The following AKR1C3 variants were observed in gnomAD, a reference collection of about 807,000 sequenced individuals.
AKR1C3 encodes 3-alpha hydroxysteroid dehydrogenase, type II.
Under a neutral mutation model 43.6 loss-of-function variants are expected in AKR1C3, and 48 were observed. The ratio of observed to expected loss-of-function variants is 1.10; its 90% CI spans 0.87 to 1.40. The LOEUF (loss-of-function observed/expected upper bound fraction) is 1.40, where lower values mean the gene tolerates loss of function less well. Ranked by LOEUF, AKR1C3 falls within the 40% of genes most tolerant of loss-of-function variation. The pLI, the probability that AKR1C3 is intolerant of heterozygous loss-of-function variation, is 0.00. For synonymous variants in AKR1C3, 162 were observed against 139.6 expected (o/e 1.16, Z -1.13); for missense variants, 482 against 391.2 (o/e 1.23, Z -1.96).
At chr10:5,106,239 T>G (rs1839496885) in intron 8 of AKR1C3, among the ~76,000 whole-genome samples, 1 of 152,132 alleles carries the variant, frequency 6.6e-6, no homozygotes, top group African/African-American at 2.4e-5. Context: ...CAGAAAGCCT[T>G]CCTTAGTGGA....
In AKR1C3 at chr10:5,102,480, T is replaced by C. The variant is rs782077699; in HGVS notation, c.681-5T>C. The stretch of plus-strand genomic sequence containing the variant: ...GGGCCTCAGCCTTTCTGCCTTTCCT[T>C]CCAGGGTGGACCCGAACTCCCCGGT... On this transcript the variant is annotated splice_region_variant and splice_polypyrimidine_tract_variant and intron_variant, in intron 6 of 8. Transcript: ENST00000380554. 6.5e-7 allele frequency: 1 copy of C among 1,532,604 alleles called. No individual in the cohort carries two copies. Among genetic ancestry groups the C allele is most frequent in the Non-Finnish European group, 8.7e-7 (1 of 1,143,858 alleles). 94.9% of individuals were successfully genotyped at this position (1,532,604 alleles called of 1,614,324 possible).
intron 1 of AKR1C3, among the ~76,000 whole-genome samples, chr10:5,071,895 T>G (rs1473103408): frequency 1.3e-5 from 2 of 152,238 alleles, no homozygotes; most frequent in Non-Finnish European, 2.9e-5. Context: ...CTCCCTCATT[T>G]TCCCTTTAAA....
upstream of AKR1C3, chr10:5,093,992 T>C (rs1055331853): frequency 1.1e-4 from 16 of 152,150 alleles, no homozygotes; most frequent in African/African-American, 3.1e-4. Flanking sequence ...CTTTAAATTA[T>C]GTGTATGTGA....
rs138339218 is a variant in AKR1C3, at chr10:5,059,267, C to T, written c.84+10372C>T. On this transcript the variant is annotated intron_variant, in intron 1 of 8. Coordinates refer to the AKR1C3 transcript ENST00000439082. The stretch of plus-strand genomic sequence containing the variant: ...TCTTATGGGAGAAACTAGAAAAACA[C>T]CAGAGACAGGTAGCAGTCTTTAGAA... Among the ~76,000 whole-genome samples the T allele has an allele frequency of 3.5e-3, 525 of 152,162 alleles. 1 individual carries two copies. The highest frequency in any genetic ancestry group is 4.5e-3 in the Non-Finnish European group (308 of 68,016).
chr10:5,065,698 A>G (rs573038595), intron 1 of AKR1C3, among the ~76,000 whole-genome samples: 1 of 152,318 alleles, frequency 6.6e-6, no homozygotes, highest in African/African-American at 2.4e-5. Context: ...TGTATGCCCT[A>G]TGTAAATGAA....
intron 1 of AKR1C3, among the ~76,000 whole-genome samples, chr10:5,082,430 G>A (rs1838857257): frequency 6.6e-6 from 1 of 152,058 alleles, no homozygotes; most frequent in African/African-American, 2.4e-5. Flanking sequence ...ATTTGTCCTA[G>A]ATGTCCCTTA....
chr10:5,091,200 G>A (rs1420164041), upstream of AKR1C3, among the ~76,000 whole-genome samples: 1 of 151,722 alleles, frequency 6.6e-6, no homozygotes, highest in South Asian at 2.1e-4. Flanking sequence ...GGAGAACTTA[G>A]CAGAGAGAAA....
At chr10:5,094,568 TA>T in intron 1 of AKR1C3, 40 bp downstream of exon 1, 1 of 1,604,212 alleles carries the variant, frequency 6.2e-7, no homozygotes, top group Non-Finnish European at 8.5e-7. Context: ...TTCAAAAGAA[TA>T]AACCTAGTAG....
intron 1 of AKR1C3, chr10:5,080,624 CTCAAACAAACAAACAA>C (rs1213990258): frequency 1.5e-5 from 2 of 134,184 alleles, no homozygotes; most frequent in African/African-American, 5.8e-5. Context: ...GAGACTCCGT[CTCAAACAAACAAACAA>C]ACAAACAAAC....
intron 1 of AKR1C3, among the ~76,000 whole-genome samples, chr10:5,071,742 T>G (rs1838615442): frequency 6.6e-6 from 1 of 152,206 alleles, no homozygotes; most frequent in African/African-American, 2.4e-5. Flanking sequence ...TCTCCCAGTC[T>G]CACAGAGGGC....
chr10:5,055,332 C>G (rs1272224675), intron 1 of AKR1C3, among the ~76,000 whole-genome samples: 1 of 152,222 alleles, frequency 6.6e-6, no homozygotes, highest in Non-Finnish European at 1.5e-5. Context: ...TCCCCATCCT[C>G]TGGGAAAAAG....
intron 1 of AKR1C3, among the ~76,000 whole-genome samples, chr10:5,065,323 T>C (rs1199572091): frequency 6.6e-6 from 1 of 152,220 alleles, no homozygotes; most frequent in Non-Finnish European, 1.5e-5. Flanking sequence ...ATTGTAACAC[T>C]GTTCACAATA....
chr10:5,089,881 A>G (rs915225534), upstream of AKR1C3, among the ~76,000 whole-genome samples: 2 of 152,178 alleles, frequency 1.3e-5, no homozygotes, highest in East Asian at 3.9e-4. Flanking sequence ...GTTTGAATTT[A>G]CATTCATTCC....
intron 1 of AKR1C3, among the ~76,000 whole-genome samples, chr10:5,072,357 G>T (rs1554781401): frequency 6.6e-6 from 1 of 152,216 alleles, no homozygotes; most frequent in Non-Finnish European, 1.5e-5. Context: ...CTAGGCAAAT[G>T]TAAGGGTCAT....
In AKR1C3 at chr10:5,102,483, A is replaced by G. The variant is rs1383828689; in HGVS notation, c.681-2A>G. 1.3e-6 allele frequency: 2 copies of G among 1,536,476 alleles called. No individual in the cohort carries two copies. The highest frequency in any genetic ancestry group is 1.7e-6 in the Non-Finnish European group (2 of 1,146,318). On this transcript the variant is annotated splice_acceptor_variant, in intron 6 of 8. Transcript: ENST00000380554. LOFTEE classifies it high-confidence loss of function. ...CCTCAGCCTTTCTGCCTTTCCTTCC[A>G]GGGTGGACCCGAACTCCCCGGTGCT...
chr10:5,088,700 G>C (rs1276820339), intron 1 of AKR1C3, among the ~76,000 whole-genome samples: 1 of 151,614 alleles, frequency 6.6e-6, no homozygotes, highest in Non-Finnish European at 1.5e-5. Context: ...GGTGTCATTA[G>C]ACCTAATGGT....
intron 1 of AKR1C3, among the ~76,000 whole-genome samples, chr10:5,051,358 A>C (rs959999351): frequency 1.3e-5 from 2 of 152,164 alleles, no homozygotes; most frequent in Non-Finnish European, 2.9e-5. Flanking sequence ...TGGCCTCCCA[A>C]AGTGCTGGGA....
At chr10:5,082,285 C>A (rs1230050188) in intron 1 of AKR1C3, among the ~76,000 whole-genome samples, 2 of 152,116 alleles carry the variant, frequency 1.3e-5, no homozygotes, top group East Asian at 3.8e-4. Flanking sequence ...TATTTATTTT[C>A]TTTACCTGAT....
upstream of AKR1C3, among the ~76,000 whole-genome samples, chr10:5,089,448 A>G (rs1459809241): frequency 2.0e-5 from 3 of 151,958 alleles, no homozygotes; most frequent in Admixed American, 2.0e-4. Flanking sequence ...TATAACAATT[A>G]TTTTCTTTTT....
Sources: allele counts gnomAD v4.1 joint callset (sites outside exome capture counted in the v4.1 genomes callset), GRCh38; gene constraint gnomAD v4.1.1; transcripts MANE v1.5; gene names NCBI Gene and HGNC (gene_info 2026-07-23, HGNC 2026-07-21).